The following CYSLTR1 variants were observed in gnomAD, a reference collection of about 807,000 sequenced individuals.
CYSLTR1 encodes the protein cysteinyl leukotriene receptor 1.
In CYSLTR1, 1 loss-of-function variant was observed where a neutral mutation model predicts 2.1. The observed-to-expected ratio is 0.48, with a 90% CI of 0.17 to 2.28. CYSLTR1 has a LOEUF of 2.28. Ranked by LOEUF, CYSLTR1 falls within the 30% of genes most tolerant of loss-of-function variation. The pLI is 0.26. For missense variants in CYSLTR1, 299 were observed against 250.1 expected (o/e 1.20, Z -1.32); for synonymous variants, 110 against 89.6 (o/e 1.23, Z -1.28).
chrX:78,279,602 AC>A (rs1921746788), intron 2 of CYSLTR1, among the ~76,000 whole-genome samples: 1 of 112,405 alleles, frequency 8.9e-6, no homozygotes. Flanking sequence ...CTGGGTAAAT[AC>A]CCACAGGTGT....
At chrX:78,288,375 G>T in intron 1 of CYSLTR1, among the ~76,000 whole-genome samples, 1 of 111,914 alleles carries the variant, frequency 8.9e-6, no homozygotes, top group Middle Eastern at 4.6e-3. Context: ...TCTACTAAGT[G>T]AAATTGTAAT....
chrX:78,305,605 T>C (rs1340348763), intron 1 of CYSLTR1, among the ~76,000 whole-genome samples: 1 of 112,532 alleles, frequency 8.9e-6, no homozygotes, highest in Non-Finnish European at 1.9e-5. Context: ...GATTTATTCA[T>C]CTTGCTTCAC....
At chrX:78,317,881 C>T (rs1923481731) in intron 1 of CYSLTR1, among the ~76,000 whole-genome samples, 1 of 111,761 alleles carries the variant, frequency 8.9e-6, no homozygotes, top group African/African-American at 3.3e-5. Flanking sequence ...ACAGTGTACA[C>T]TGCCTGGGTG....
intron 1 of CYSLTR1, among the ~76,000 whole-genome samples, chrX:78,288,904 C>T (rs1287992409): frequency 1.8e-5 from 2 of 110,633 alleles, no homozygotes; most frequent in African/African-American, 3.3e-5. Context: ...TGTCTATATC[C>T]ATGAGTTAAA....
chrX:78,273,830 C>T (rs41300255), intron 2 of CYSLTR1, 57 bp from the exon 3 acceptor site: 84 of 995,004 alleles, frequency 8.4e-5, no homozygotes, highest in Non-Finnish European at 1.1e-4. Context: ...ACAGGAAGTA[C>T]TAATGTTTTA....
intron 2 of CYSLTR1, among the ~76,000 whole-genome samples, chrX:78,276,120 A>G (rs1452663498): frequency 8.9e-6 from 1 of 111,840 alleles, no homozygotes; most frequent in Admixed American, 9.5e-5. Context: ...TTTACTGTTT[A>G]GCAATATACA....
At chrX:78,308,355 AAAAAG>A (rs1211196337) in intron 1 of CYSLTR1, among the ~76,000 whole-genome samples, 3 of 112,221 alleles carry the variant, frequency 2.7e-5, no homozygotes, top group African/African-American at 9.7e-5. Context: ...TGTCATAAAT[AAAAAG>A]AAATGTCTGC....
intron 1 of CYSLTR1, among the ~76,000 whole-genome samples, chrX:78,304,516 C>A (rs1922951615): frequency 9.0e-6 from 1 of 111,030 alleles, no homozygotes; most frequent in South Asian, 3.8e-4. Flanking sequence ...AAGAGTCCAC[C>A]AAGAGTTTTG....
intron 1 of CYSLTR1, among the ~76,000 whole-genome samples, chrX:78,287,669 A>G: frequency 8.9e-6 from 1 of 111,983 alleles, no homozygotes; most frequent in Non-Finnish European, 1.9e-5. Flanking sequence ...AAGCCAGACA[A>G]AAAAGAATCC....
At chrX:78,274,364 C>T (rs1481848464) in intron 2 of CYSLTR1, among the ~76,000 whole-genome samples, 2 of 110,987 alleles carry the variant, frequency 1.8e-5, no homozygotes, top group Non-Finnish European at 3.8e-5. Flanking sequence ...TACCAAAACA[C>T]TGGTACCAAA....
intron 1 of CYSLTR1, among the ~76,000 whole-genome samples, chrX:78,304,576 T>C (rs1282965464): frequency 1.8e-5 from 2 of 110,788 alleles, no homozygotes; most frequent in Admixed American, 1.9e-4. Flanking sequence ...GAAGGAATTC[T>C]TAACAGGACC....
chrX:78,304,163 T>C (rs1384756218), intron 1 of CYSLTR1, among the ~76,000 whole-genome samples: 1 of 111,913 alleles, frequency 8.9e-6, no homozygotes, highest in Admixed American at 9.5e-5. Context: ...TTGAAAGTGA[T>C]TTCTAAACAA....
At chrX:78,325,709 A>C (rs191047544) in intron 1 of CYSLTR1, among the ~76,000 whole-genome samples, 49 of 112,121 alleles carry the variant, frequency 4.4e-4, no homozygotes, top group African/African-American at 1.6e-3. Context: ...GTAGAGGTCC[A>C]TACAGGGCAA....
At chrX:78,283,248 G>A (rs1473551792) in intron 2 of CYSLTR1, among the ~76,000 whole-genome samples, 1 of 111,859 alleles carries the variant, frequency 8.9e-6, no homozygotes, top group African/African-American at 3.3e-5. Flanking sequence ...TTCTAGTGGG[G>A]GATAGGAATG....
At chrX:78,310,890 GT>G (rs1923192724) in intron 1 of CYSLTR1, among the ~76,000 whole-genome samples, 1 of 110,367 alleles carries the variant, frequency 9.1e-6, no homozygotes, top group African/African-American at 3.3e-5. Context: ...GCGTGTGTGG[GT>G]GTGTGGGCGT....
intron 1 of CYSLTR1, chrX:78,320,081 T>C (rs1923580422): frequency 8.9e-6 from 1 of 112,290 alleles, no homozygotes. Flanking sequence ...CTGATGGTAG[T>C]TTCTTTTGCT....
At chrX:78,277,809 G>A (rs1204650770) in intron 2 of CYSLTR1, among the ~76,000 whole-genome samples, 1 of 112,032 alleles carries the variant, frequency 8.9e-6, no homozygotes, top group Admixed American at 9.5e-5. Flanking sequence ...AGGTACATCA[G>A]CCTACACAAA....
chrX:78,322,118 T>C (rs776380273), intron 1 of CYSLTR1, among the ~76,000 whole-genome samples: 2 of 110,810 alleles, frequency 1.8e-5, no homozygotes, highest in East Asian at 5.7e-4. Context: ...TTAAAGAGGG[T>C]GCAGCTCAGT....
intron 1 of CYSLTR1, among the ~76,000 whole-genome samples, chrX:78,303,264 ACT>A (rs753106910): frequency 2.7e-5 from 3 of 110,727 alleles, no homozygotes; most frequent in South Asian, 7.7e-4. Context: ...ACAAAGAAAT[ACT>A]CTCTGCACCA....
Sources: allele counts gnomAD v4.1 joint callset (sites outside exome capture counted in the v4.1 genomes callset), GRCh38; gene constraint gnomAD v4.1.1; transcripts MANE v1.5; gene names NCBI Gene and HGNC (gene_info 2026-07-23, HGNC 2026-07-21).